Variants in EDN2 observed in about 807,000 individuals in gnomAD.
EDN2 encodes endothelin-2.
EDN2 carries 10 observed loss-of-function variants against 19.9 expected under a neutral mutation model. The observed-to-expected ratio is 0.50, with a 90% CI of 0.31 to 0.85. EDN2 has a LOEUF of 0.85. EDN2 is among the 40% of genes least tolerant of loss of function. EDN2 has a pLI of 0.05. For missense variants in EDN2, 222 were observed against 239.3 expected, an observed-to-expected ratio of 0.93 and a Z score of 0.48; for synonymous variants, 84 against 94.9, an observed-to-expected ratio of 0.89 and a Z score of 0.67.
At chr1:41,480,560 C>T (rs1474424873) in intron 4 of EDN2, 5 of 365,474 alleles carry the variant, frequency 1.4e-5, no homozygotes, top group South Asian at 8.0e-5. Flanking sequence ...CCAGGCTGGG[C>T]TGGGGTTCAG....
At chr1:41,483,546 G>A (rs1644266077) in intron 2 of EDN2, among the ~76,000 whole-genome samples, 2 of 151,954 alleles carry the variant, frequency 1.3e-5, no homozygotes, top group South Asian at 2.1e-4. Context: ...TGTCGTTTGA[G>A]GGACTATCCT....
Position 41,483,297 on chromosome 1 carries a change from G to A in EDN2, c.222-709C>T, listed in dbSNP as rs372167228. ...CAGTGACTCCAGGTAGACTCAGCACGCAGGGACTGGCAGGGTTCCCGCCCT... is the reference window on the plus strand; with the variant it reads ...CAGTGACTCCAGGTAGACTCAGCACACAGGGACTGGCAGGGTTCCCGCCCT... On this transcript the variant is annotated intron_variant, in intron 2 of 4. Coordinates refer to ENST00000372587, the MANE Select transcript of EDN2 (RefSeq NM_001956.5). Among the ~76,000 whole-genome samples, 151 of 152,376 alleles carry A rather than the reference G, an allele frequency of 9.9e-4. 1 individual carries two copies. The highest frequency in any genetic ancestry group is 4.3e-4 in the Non-Finnish European group (29 of 68,042).
chr1:41,480,854 T>G (rs2149037273), intron 4 of EDN2: 1 of 663,238 alleles, frequency 1.5e-6, no homozygotes, highest in South Asian at 1.5e-5. Flanking sequence ...CTTCAAACCC[T>G]CTAAAAAGTC....
chr1:41,481,562 T>G (rs1644248009), intron 3 of EDN2, among the ~76,000 whole-genome samples: 1 of 146,410 alleles, frequency 6.8e-6, no homozygotes. Context: ...TTTTTGAGAC[T>G]GAGTTTCACT....
At chr1:41,479,582 G>A in intron 4 of EDN2, 80 bp from the exon 5 acceptor site, 1 of 1,269,420 alleles carries the variant, frequency 7.9e-7, no homozygotes, top group Non-Finnish European at 1.1e-6. Flanking sequence ...AGGGGCAATG[G>A]GGCTACAGCC....
chr1:41,484,159 A>T lies in EDN2; in HGVS notation c.109T>A (p.Ser37Thr), dbSNP rs751828380. 1 of 1,613,266 alleles carries T rather than the reference A, an allele frequency of 6.2e-7. No individual in the cohort carries two copies. Among genetic ancestry groups the T allele is most frequent in the South Asian group, 1.1e-5 (1 of 91,046 alleles). Reference sequence around the variant, plus strand: ...CGAAGGTGGGTGCCTTGGGCATGAGATGAGGACGCTGGCTGCTCCAGGGTG... The same window carrying T: ...CGAAGGTGGGTGCCTTGGGCATGAGTTGAGGACGCTGGCTGCTCCAGGGTG... ...AATLEQPASS[S>T]HAQGTHLRLR... The change falls in exon 2 of 5, where the codon TCT becomes ACT. Residue 37 changes from serine to threonine, a missense_variant. Transcript: ENST00000372587.
intron 3 of EDN2, 46 bp downstream of exon 3, chr1:41,482,420 G>T: frequency 6.5e-7 from 1 of 1,532,966 alleles, no homozygotes; most frequent in Non-Finnish European, 8.7e-7. Flanking sequence ...GGGCATGCCC[G>T]GGCTTGCAGC....
At position 41,482,580 on chromosome 1, in the gene EDN2, GCTGT is replaced by G; in HGVS notation, c.226_229del (p.Thr76LeufsTer71). The G allele has an allele frequency of 7.6e-6, 12 of 1,579,780 alleles. No individual in the cohort carries two copies. Among genetic ancestry groups the G allele is most frequent in the Non-Finnish European group, 1.0e-5 (12 of 1,165,704 alleles). On this transcript the variant is annotated frameshift_variant, in exon 3 of 5. Coordinates refer to ENST00000372587, the MANE Select transcript of EDN2 (RefSeq NM_001956.5). LOFTEE classifies it high-confidence loss of function. ...TGGCGGGTTTCCCAGGCCGTAAGGA[GCTGT>G]CTGTCTGTGGGCGGGCAGCCAGCAA...
chr1:41,480,686 CCAGGTCTGACTCA>C (rs1436403373), intron 4 of EDN2: 2 of 463,042 alleles, frequency 4.3e-6, no homozygotes, highest in Non-Finnish European at 8.6e-6. Context: ...CTCCTGGGGG[CCAGGTCTGACTCA>C]CACTGAGGCA....
Position 41,484,093 on chromosome 1 carries a change from A to G in EDN2, c.175T>C (p.Cys59Arg). ...ATGTCCAAGTGGCAGAAGTAGACGC[A>G]CTCCTTGTCGAGCCAGGAGCTGCAG... ...CSCSSWLDKECVYFCHLDIIW... is the reference protein window; with the variant it reads ...CSCSSWLDKERVYFCHLDIIW... The change falls in exon 2 of 5, where the codon TGC (cysteine) becomes CGC (arginine). Residue 59 changes from cysteine (C) to arginine (R), a missense_variant. Cys to Arg is a radical substitution (Grantham distance 180). Coordinates refer to ENST00000372587, the MANE Select transcript of EDN2 (RefSeq NM_001956.5). 1 of 1,612,994 alleles carries G rather than the reference A, an allele frequency of 6.2e-7. No homozygotes were observed. The highest frequency in any genetic ancestry group is 8.5e-7 in the Non-Finnish European group (1 of 1,179,734).
rs1007271284 is a variant in EDN2, at chr1:41,484,142, G to A, written c.126C>T (p.Thr42=). The A allele has an allele frequency of 2.5e-6, 4 of 1,613,622 alleles. No individual in the cohort carries two copies. Among genetic ancestry groups the A allele is most frequent in the Non-Finnish European group, 3.4e-6 (4 of 1,180,022 alleles). ...QPASSSHAQG[T]HLRLRRCSCS... ...AGGAGCAACGGCGAAGCCGAAGGTG[G>A]GTGCCTTGGGCATGAGATGAGGACG... Residue 42 remains threonine, a synonymous_variant, in exon 2 of 5, where the codon ACC becomes ACT. Coordinates refer to ENST00000372587, the MANE Select transcript of EDN2 (RefSeq NM_001956.5).
At chr1:41,484,431 G>T in intron 1 of EDN2, 107 bp downstream of exon 1, 1 of 1,441,134 alleles carries the variant, frequency 6.9e-7, no homozygotes, top group Non-Finnish European at 9.4e-7. Context: ...CCAGGCTCCC[G>T]CCCCTGTCTG....
intron 2 of EDN2, chr1:41,483,795 C>G (rs1644268166): frequency 4.6e-6 from 2 of 430,530 alleles, no homozygotes; most frequent in Non-Finnish European, 8.4e-6. Context: ...AGCCTCAGCA[C>G]TTGAATCTGG....
At chr1:41,481,542 A>ATT (rs369964181) in intron 3 of EDN2, among the ~76,000 whole-genome samples, 2,795 of 144,458 alleles carry the variant, frequency 0.019, 92 homozygotes, top group African/African-American at 0.06. Context: ...GGAGCTTGGG[A>ATT]TTTTTTTTTT....
chr1:41,484,607 C>T lies in EDN2; in HGVS notation c.-6G>A, dbSNP rs372173831. 39 of 1,555,130 alleles carry T rather than the reference C, an allele frequency of 2.5e-5. No homozygotes were observed. The East Asian group carries it at 5.6e-4, about 22-fold the overall frequency. ...GTGGTAGGCACGGAGACCATAGCGGCGGTGGAGCGCGCAGGCTGGACTGGA... is the reference window on the plus strand; with the variant it reads ...GTGGTAGGCACGGAGACCATAGCGGTGGTGGAGCGCGCAGGCTGGACTGGA... On this transcript the variant is annotated 5_prime_UTR_variant, in exon 1 of 5. Coordinates refer to ENST00000372587, the MANE Select transcript of EDN2 (RefSeq NM_001956.5).
intron 2 of EDN2, among the ~76,000 whole-genome samples, chr1:41,483,455 G>T (rs1644265452): frequency 6.6e-6 from 1 of 152,248 alleles, no homozygotes; most frequent in Non-Finnish European, 1.5e-5. Flanking sequence ...CAGTGGCCTG[G>T]AGGCAGTGCG....
Position 41,484,192 on chromosome 1 carries a change from C to G in EDN2, c.76G>C (p.Ala26Pro), listed in dbSNP as rs1569593118. 1.2e-6 allele frequency: 2 copies of G among 1,611,990 alleles called. No individual in the cohort carries two copies. Among genetic ancestry groups the G allele is most frequent in the Non-Finnish European group, 1.7e-6 (2 of 1,179,842 alleles). Reference protein sequence around the residue: ...LVALHEGKGQAAATLEQPASS... With the variant: ...LVALHEGKGQPAATLEQPASS... Reference sequence around the variant, plus strand: ...GCTGGCTGCTCCAGGGTGGCAGCAGCCTGGCCCTTCCCTGCATGCACAGGA... The same window carrying G: ...GCTGGCTGCTCCAGGGTGGCAGCAGGCTGGCCCTTCCCTGCATGCACAGGA... Residue 26 changes from alanine (A) to proline (P), a missense_variant, in exon 2 of 5, where the codon GCT (alanine) becomes CCT (proline). By Grantham distance (27) the Ala-to-Pro change is conservative. Coordinates refer to ENST00000372587, the MANE Select transcript of EDN2 (RefSeq NM_001956.5).
chr1:41,484,553 C>G lies in EDN2; in HGVS notation c.49G>C (p.Val17Leu). ...GGCAGCTCACCTTCATGCAGGGCCA[C>G]GAGCAGGGCTAGCGCAACGGAGCAC... ...TWCSVALALLVALHEGKGQAA... is the reference protein window; with the variant it reads ...TWCSVALALLLALHEGKGQAA... The change falls in exon 1 of 5, where the codon GTG becomes CTG. Residue 17 changes from valine (V) to leucine (L), a missense_variant. Coordinates refer to ENST00000372587, the MANE Select transcript of EDN2 (RefSeq NM_001956.5). 2 of 1,557,014 alleles carry G rather than the reference C, an allele frequency of 1.3e-6. No individual in the cohort carries two copies. Among genetic ancestry groups the G allele is most frequent in the Non-Finnish European group, 1.7e-6 (2 of 1,150,322 alleles).
At position 41,479,475 on chromosome 1, in the gene EDN2, A is replaced by G. The variant is rs928650962; in HGVS notation, c.471T>C (p.Phe157=). 6.2e-6 allele frequency: 10 copies of G among 1,614,184 alleles called. No individual in the cohort carries two copies. Among genetic ancestry groups the G allele is most frequent in the Non-Finnish European group, 8.5e-6 (10 of 1,180,012 alleles). ...GCATGGCCTCCTGTTGTCGCTTGGC[A>G]AAGAGGCTCTTGACTGTGGAAATGT... The part of the protein sequence containing the change: ...LRDISTVKSL[F]AKRQQEAMRE... Residue 157 remains phenylalanine (F), a synonymous_variant, in exon 5 of 5, where the codon TTT becomes TTC. Transcript: ENST00000372587.
Sources: allele counts gnomAD v4.1 joint callset (sites outside exome capture counted in the v4.1 genomes callset), GRCh38; gene constraint gnomAD v4.1.1; transcripts MANE v1.5; gene names NCBI Gene and HGNC (gene_info 2026-07-23, HGNC 2026-07-21).